Variants in DOCK2 observed in about 807,000 individuals in gnomAD.
The protein encoded by DOCK2 is dedicator of cytokinesis protein 2.
A neutral mutation model predicts 248.9 loss-of-function variants in DOCK2; 87 were observed. That is an observed-to-expected ratio of 0.35 (90% CI 0.29 to 0.42). DOCK2 has a LOEUF of 0.42. Ranked by LOEUF, DOCK2 falls within the 10% of genes least tolerant of loss-of-function variation. The pLI is 1.00. For synonymous variants in DOCK2, 805 were observed against 821.6 expected (o/e 0.98, Z 0.35); for missense variants, 1,747 against 2,300.2 (o/e 0.76, Z 4.92).
At chr5:169,677,227 G>A (rs977158254) in intron 6 of DOCK2, among the ~76,000 whole-genome samples, 1 of 152,184 alleles carries the variant, frequency 6.6e-6, no homozygotes, top group African/African-American at 2.4e-5. Flanking sequence ...ACACACTCTT[G>A]TCAAACTCCC....
At chr5:169,962,461 C>A (rs1004179777) in intron 27 of DOCK2, among the ~76,000 whole-genome samples, 2 of 152,064 alleles carry the variant, frequency 1.3e-5, no homozygotes, top group Non-Finnish European at 2.9e-5. Flanking sequence ...TTGGGGTGAG[C>A]AAAGGTGTGA....
intron 26 of DOCK2, among the ~76,000 whole-genome samples, chr5:169,819,124 G>A (rs993418411): frequency 6.6e-6 from 1 of 152,094 alleles, no homozygotes; most frequent in Non-Finnish European, 1.5e-5. Context: ...AGAAATACCC[G>A]CAGGAGACCA....
intron 27 of DOCK2, among the ~76,000 whole-genome samples, chr5:169,964,137 A>G (rs969411241): frequency 6.6e-5 from 10 of 152,208 alleles, no homozygotes; most frequent in African/African-American, 2.4e-4. Flanking sequence ...TCTACTGACC[A>G]GAACATAATT....
chr5:169,641,032 C>T (rs1026901809), intron 1 of DOCK2, among the ~76,000 whole-genome samples: 53 of 152,206 alleles, frequency 3.5e-4, no homozygotes, highest in Admixed American at 3.3e-3. Context: ...TGGCAATCCT[C>T]GGCATTCCTT....
At chr5:169,896,662 C>T (rs1773627796) in intron 27 of DOCK2, among the ~76,000 whole-genome samples, 1 of 152,128 alleles carries the variant, frequency 6.6e-6, no homozygotes, top group African/African-American at 2.4e-5. Context: ...GCAGTATCAT[C>T]ATTATTATTA....
intron 22 of DOCK2, among the ~76,000 whole-genome samples, chr5:169,738,960 C>A (rs1021801017): frequency 6.6e-6 from 1 of 152,196 alleles, no homozygotes; most frequent in Admixed American, 6.5e-5. Flanking sequence ...TCCAGGCACT[C>A]AAACCTCAGT....
intron 2 of DOCK2, among the ~76,000 whole-genome samples, chr5:169,662,672 G>A (rs1161060104): frequency 6.6e-6 from 1 of 152,172 alleles, no homozygotes; most frequent in African/African-American, 2.4e-5. Context: ...AACAAGAAGG[G>A]AAGTGCCATA....
intron 27 of DOCK2, among the ~76,000 whole-genome samples, chr5:169,869,871 T>A (rs1006750887): frequency 2.0e-5 from 3 of 152,186 alleles, no homozygotes; most frequent in African/African-American, 7.2e-5. Context: ...ATCCTTACCA[T>A]CTTCCACCAT....
chr5:169,931,981 T>A (rs2113684029), intron 27 of DOCK2, among the ~76,000 whole-genome samples: 1 of 152,362 alleles, frequency 6.6e-6, no homozygotes, highest in South Asian at 2.1e-4. Context: ...TGCCAGGAAC[T>A]GCTCTAGGTG....
intron 27 of DOCK2, among the ~76,000 whole-genome samples, chr5:169,936,578 CTTT>C (rs4041977): frequency 3.3e-5 from 4 of 122,824 alleles, no homozygotes; most frequent in Non-Finnish European, 5.0e-5. Flanking sequence ...TCTCAGACTC[CTTT>C]TTTTTTTTTT....
At chr5:169,885,910 T>TA (rs1360085587) in intron 27 of DOCK2, among the ~76,000 whole-genome samples, 3 of 152,306 alleles carry the variant, frequency 2.0e-5, no homozygotes, top group African/African-American at 7.2e-5. Flanking sequence ...CCCTTAGACT[T>TA]ACGGGGAAAT....
intron 26 of DOCK2, among the ~76,000 whole-genome samples, chr5:169,807,615 G>A (rs977504476): frequency 1.3e-5 from 2 of 151,878 alleles, no homozygotes; most frequent in Admixed American, 6.6e-5. Context: ...GGCGGATCAC[G>A]AGGTCAGGAG....
intron 26 of DOCK2, among the ~76,000 whole-genome samples, chr5:169,829,850 C>G (rs1435868353): frequency 1.3e-5 from 2 of 152,036 alleles, no homozygotes; most frequent in African/African-American, 4.8e-5. Context: ...GCTTTTTTGT[C>G]TAAAGAGCTC....
At chr5:169,949,114 G>A (rs1289208312) in intron 27 of DOCK2, among the ~76,000 whole-genome samples, 2 of 152,280 alleles carry the variant, frequency 1.3e-5, no homozygotes, top group South Asian at 4.1e-4. Context: ...CCCTGTATTC[G>A]AATTTCCTTG....
chr5:170,051,472 C>G (rs1471248840), intron 41 of DOCK2, among the ~76,000 whole-genome samples: 1 of 152,218 alleles, frequency 6.6e-6, no homozygotes, highest in African/African-American at 2.4e-5. Flanking sequence ...ACATGACTAG[C>G]TGTCTCTTAC....
At chr5:170,010,439 G>A (rs1013221357) in intron 32 of DOCK2, among the ~76,000 whole-genome samples, 2 of 152,140 alleles carry the variant, frequency 1.3e-5, no homozygotes, top group African/African-American at 2.4e-5. Context: ...CACGACAGCC[G>A]GCACCTGGCC....
chr5:169,977,190 C>G (rs1006906914), intron 27 of DOCK2, among the ~76,000 whole-genome samples: 1 of 152,232 alleles, frequency 6.6e-6, no homozygotes, highest in African/African-American at 2.4e-5. Context: ...CCAGCATGCT[C>G]TGTTCCAAGA....
At chr5:169,978,401 G>T (rs1777807073) in intron 27 of DOCK2, among the ~76,000 whole-genome samples, 1 of 139,348 alleles carries the variant, frequency 7.2e-6, no homozygotes, top group South Asian at 2.5e-4. Context: ...GTGGGGGGGG[G>T]GGGGTGTAGG....
intron 41 of DOCK2, among the ~76,000 whole-genome samples, chr5:170,050,941 C>T (rs139033360): frequency 1.7e-3 from 257 of 152,252 alleles, no homozygotes; most frequent in African/African-American, 5.8e-3. Flanking sequence ...AGTGGTCCTA[C>T]GTTCAGGGAG....
Sources: allele counts gnomAD v4.1 joint callset (sites outside exome capture counted in the v4.1 genomes callset), GRCh38; gene constraint gnomAD v4.1.1; transcripts MANE v1.5; gene names NCBI Gene and HGNC (gene_info 2026-07-23, HGNC 2026-07-21).